The following PHF14 variants were observed in gnomAD, a reference collection of about 807,000 sequenced individuals.
The protein encoded by PHF14 is PHD finger protein 14.
PHF14 carries 55 observed loss-of-function variants against 117.9 expected under a neutral mutation model. That is an observed-to-expected ratio of 0.47 (90% CI 0.38 to 0.58). The LOEUF (loss-of-function observed/expected upper bound fraction) is 0.58. PHF14 is among the 20% of genes least tolerant of loss of function. The pLI, the probability that PHF14 is intolerant of heterozygous loss-of-function variation, is 0.00. For synonymous variants in PHF14, 409 were observed against 368.6 expected (o/e 1.11, Z -1.26); for missense variants, 978 against 1,122.2 (o/e 0.87, Z 1.84).
In PHF14 at chr7:11,167,799, CG is replaced by C. The variant is rs1287901916; in HGVS notation, c.2773-1613del. Among the ~76,000 whole-genome samples, 6 of 152,130 alleles carry C rather than the reference CG, an allele frequency of 3.9e-5. No homozygotes were observed. The East Asian group carries it at 9.7e-4, about 25-fold the overall frequency. Reference sequence around the variant, plus strand: ...ATCCCGGCACTTTGGGAGGCTGAGGCGGGGCAGATCACGAGGTCAGGAGATC... The same window carrying C: ...ATCCCGGCACTTTGGGAGGCTGAGGCGGGCAGATCACGAGGTCAGGAGATC... On this transcript the variant is annotated intron_variant, in intron 17 of 17. Transcript: ENST00000634607.
chr7:10,992,347 C>T (rs767277374), intron 4 of PHF14, among the ~76,000 whole-genome samples: 1 of 150,850 alleles, frequency 6.6e-6, no homozygotes, highest in Non-Finnish European at 1.5e-5. Context: ...AGCCACCGTG[C>T]CTGGCTGACA....
At chr7:11,133,007 C>T (rs1009658373) in intron 17 of PHF14, among the ~76,000 whole-genome samples, 14 of 151,626 alleles carry the variant, frequency 9.2e-5, no homozygotes, top group African/African-American at 3.4e-4. Context: ...ACAAAATATA[C>T]ACAAAACCTG....
intron 17 of PHF14, among the ~76,000 whole-genome samples, chr7:11,148,494 G>T (rs1164125344): frequency 6.6e-6 from 1 of 152,084 alleles, no homozygotes; most frequent in East Asian, 1.9e-4. Flanking sequence ...TTTGTAGCAG[G>T]GCTTCCTTGA....
At chr7:11,043,725 C>A (rs893976974) in intron 13 of PHF14, among the ~76,000 whole-genome samples, 1 of 151,986 alleles carries the variant, frequency 6.6e-6, no homozygotes, top group Non-Finnish European at 1.5e-5. Context: ...CTGGCCTGTT[C>A]TTTTGAAATG....
At chr7:11,111,009 T>G (rs572072321) in intron 16 of PHF14, 1 of 165,734 alleles carries the variant, frequency 6.0e-6, no homozygotes, top group African/African-American at 2.4e-5. Flanking sequence ...GGCAAATGAT[T>G]AATTCTTTAA....
At chr7:11,080,887 G>A (rs939364276) in intron 16 of PHF14, among the ~76,000 whole-genome samples, 7 of 152,102 alleles carry the variant, frequency 4.6e-5, no homozygotes, top group South Asian at 2.1e-4. Flanking sequence ...TGTTAATTGC[G>A]CTACAACAGT....
At chr7:11,155,618 C>G (rs1583508796) in intron 17 of PHF14, among the ~76,000 whole-genome samples, 1 of 152,108 alleles carries the variant, frequency 6.6e-6, no homozygotes, top group African/African-American at 2.4e-5. Flanking sequence ...ATTTTTAGAT[C>G]CTTCTACTAA....
chr7:11,153,423 T>G (rs140733578), intron 17 of PHF14, among the ~76,000 whole-genome samples: 5 of 152,206 alleles, frequency 3.3e-5, no homozygotes, highest in Non-Finnish European at 7.4e-5. Context: ...GGGTTGGGAA[T>G]CAAGAATTTG....
At chr7:11,064,873 T>G (rs1785371214) in intron 16 of PHF14, among the ~76,000 whole-genome samples, 1 of 152,054 alleles carries the variant, frequency 6.6e-6, no homozygotes, top group Non-Finnish European at 1.5e-5. Flanking sequence ...CTTCATTAGG[T>G]ACCTTATGGA....
At position 10,974,205 on chromosome 7, in the gene PHF14, G is replaced by A. The variant is rs945192209; in HGVS notation, c.-119G>A. 2 of 883,096 alleles carry A rather than the reference G, an allele frequency of 2.3e-6. No homozygotes were observed. Among genetic ancestry groups the A allele is most frequent in the African/African-American group, 1.7e-5 (1 of 60,124 alleles). 54.7% of individuals were successfully genotyped at this position (883,096 alleles called of 1,614,324 possible). On this transcript the variant is annotated 5_prime_UTR_variant, in exon 1 of 18. Coordinates refer to ENST00000634607, the MANE Select transcript of PHF14 (RefSeq NM_001007157.2). ...GCCCCTGTCCGGCTGGCTGCGCGCC[G>A]GTTTTAAATAGCATCTTTCGGACTT...
intron 17 of PHF14, among the ~76,000 whole-genome samples, chr7:11,125,512 C>A (rs1412943332): frequency 1.3e-5 from 2 of 151,988 alleles, no homozygotes; most frequent in South Asian, 2.1e-4. Flanking sequence ...CTTTTGCTGA[C>A]AATTCTTTTG....
chr7:11,097,619 A>G (rs1300368437), intron 16 of PHF14, among the ~76,000 whole-genome samples: 1 of 152,190 alleles, frequency 6.6e-6, no homozygotes, highest in African/African-American at 2.4e-5. Flanking sequence ...TTATGCAGCT[A>G]TTGTTTGAAT....
chr7:11,123,631 TTAG>T (rs1787836605), intron 17 of PHF14, among the ~76,000 whole-genome samples: 1 of 152,022 alleles, frequency 6.6e-6, no homozygotes, highest in African/African-American at 2.4e-5. Flanking sequence ...AATACAAAAA[TTAG>T]CTGGGTGCAG....
intron 5 of PHF14, among the ~76,000 whole-genome samples, chr7:11,020,111 C>T (rs1277454156): frequency 6.6e-6 from 1 of 151,256 alleles, no homozygotes; most frequent in Non-Finnish European, 1.5e-5. Flanking sequence ...TCCAATCAGA[C>T]GGGGCCTGGC....
intron 4 of PHF14, among the ~76,000 whole-genome samples, chr7:11,007,045 TG>T (rs899863559): frequency 4.6e-5 from 7 of 151,826 alleles, no homozygotes; most frequent in Non-Finnish European, 8.8e-5. Flanking sequence ...GGTGTGGTAG[TG>T]GGCACCTGTA....
intron 4 of PHF14, among the ~76,000 whole-genome samples, chr7:11,002,979 G>T (rs1276421911): frequency 6.6e-6 from 1 of 150,870 alleles, no homozygotes; most frequent in East Asian, 2.0e-4. Context: ...ACGGAGTCTC[G>T]CTCTGTCACC....
intron 16 of PHF14, among the ~76,000 whole-genome samples, chr7:11,100,129 C>A (rs1318982897): frequency 6.6e-6 from 1 of 151,918 alleles, no homozygotes; most frequent in Non-Finnish European, 1.5e-5. Context: ...ATCTGTTACT[C>A]CTGTATCAAG....
rs944133159 is a variant in PHF14 at position 11,130,975 on chromosome 7, C to G, written c.2772+19508C>G. On this transcript the variant is annotated intron_variant, in intron 17 of 17. Coordinates refer to ENST00000634607, the MANE Select transcript of PHF14 (RefSeq NM_001007157.2). The surrounding 1 kb of genome is among the most constrained non-coding windows in gnomAD (Gnocchi z 4.2). ...ATACGCATTTAGGGGTTTGTCATGT[C>G]TTTTCATGACTTGAGAGCTTTTTTT... 6.6e-6 allele frequency among the ~76,000 whole-genome samples: 1 copy of G among 151,520 alleles called. No individual in the cohort carries two copies. The highest frequency in any genetic ancestry group is 2.4e-5 in the African/African-American group (1 of 41,262).
intron 3 of PHF14, among the ~76,000 whole-genome samples, chr7:10,986,521 C>T (rs949197831): frequency 3.9e-5 from 6 of 152,142 alleles, no homozygotes; most frequent in Admixed American, 1.3e-4. Flanking sequence ...AAAGAGAGTT[C>T]ACTGGACCAC....
Sources: gnomAD v4.1 joint callset for allele counts (sites outside exome capture counted in the v4.1 genomes callset) on GRCh38, gnomAD v4.1.1 for gene constraint, Gnocchi (gnomAD v3.1) non-coding constraint, MANE v1.5 for transcripts, NCBI Gene and HGNC (gene_info 2026-07-23, HGNC 2026-07-21) for gene names.